The following THSD7B variants were observed in gnomAD, a reference collection of about 807,000 sequenced individuals.
THSD7B encodes the protein thrombospondin type 1 domain containing 7B.
THSD7B carries 138 observed loss-of-function variants against 213.6 expected under a neutral mutation model. That is an observed-to-expected ratio of 0.65 (90% CI 0.56 to 0.74). The LOEUF (loss-of-function observed/expected upper bound fraction) is 0.74. THSD7B is among the 30% of genes least tolerant of loss of function. The probability of loss-of-function intolerance (pLI) is 0.00; values close to 1 mark genes in which losing one functional copy is unlikely to be tolerated. For missense variants in THSD7B, 1,931 were observed against 1,991.5 expected (o/e 0.97, Z 0.58); for synonymous variants, 742 against 687.0 (o/e 1.08, Z -1.25).
chr2:136,946,758 G>A (rs1558863029), intron 2 of THSD7B, among the ~76,000 whole-genome samples: 1 of 152,200 alleles, frequency 6.6e-6, no homozygotes, highest in Non-Finnish European at 1.5e-5. Flanking sequence ...CTAGCAGTGA[G>A]CAAGGCTCCA....
At chr2:137,049,174 C>T (rs971367073) in intron 2 of THSD7B, among the ~76,000 whole-genome samples, 6 of 152,190 alleles carry the variant, frequency 3.9e-5, no homozygotes, top group Non-Finnish European at 2.9e-5. Flanking sequence ...GGCCATCGCT[C>T]GAACCAGGGC....
At chr2:137,260,467 A>G (rs1209189945) in intron 10 of THSD7B, among the ~76,000 whole-genome samples, 2 of 152,142 alleles carry the variant, frequency 1.3e-5, no homozygotes, top group Non-Finnish European at 2.9e-5. Flanking sequence ...AAATTTCTTA[A>G]AAAGGTAAAA....
chr2:137,321,422 G>A (rs1396744707), intron 12 of THSD7B, among the ~76,000 whole-genome samples: 2 of 152,156 alleles, frequency 1.3e-5, no homozygotes, highest in Non-Finnish European at 2.9e-5. Context: ...ATTCTTAGCT[G>A]TTATAATAGG....
At chr2:137,172,885 T>C (rs1345880894) in intron 7 of THSD7B, among the ~76,000 whole-genome samples, 1 of 152,118 alleles carries the variant, frequency 6.6e-6, no homozygotes, top group Non-Finnish European at 1.5e-5. Flanking sequence ...GAGAATTGTG[T>C]GGTTACAGAA....
intron 10 of THSD7B, among the ~76,000 whole-genome samples, chr2:137,247,767 CAAA>C (rs1421113942): frequency 6.6e-6 from 1 of 152,028 alleles, no homozygotes; most frequent in East Asian, 1.9e-4. Flanking sequence ...TTTTCAGTAT[CAAA>C]AACAGACAGT....
intron 12 of THSD7B, among the ~76,000 whole-genome samples, chr2:137,344,815 A>T (rs13427747): frequency 0.23 from 35,282 of 151,474 alleles, 4,685 homozygotes; most frequent in South Asian, 0.3. Flanking sequence ...AACAGAAACA[A>T]ATAGGCTGGC....
intron 13 of THSD7B, among the ~76,000 whole-genome samples, chr2:137,408,450 AC>A (rs1211599173): frequency 6.6e-6 from 1 of 152,162 alleles, no homozygotes; most frequent in African/African-American, 2.4e-5. Flanking sequence ...ATCAGTAGAC[AC>A]GATCCTAACT....
chr2:137,095,848 A>G (rs1337321934), intron 4 of THSD7B, among the ~76,000 whole-genome samples: 1 of 152,048 alleles, frequency 6.6e-6, no homozygotes, highest in Non-Finnish European at 1.5e-5. Context: ...GGCATGTGCT[A>G]CAGTGTGTGC....
chr2:137,642,742 C>T lies in THSD7B; in HGVS notation c.3945+109C>T. 6.1e-6 allele frequency: 8 copies of T among 1,305,988 alleles called. 1 individual carries two copies. The South Asian group carries it at 1.2e-4, about 19-fold the overall frequency. 80.9% of individuals were successfully genotyped at this position (1,305,988 alleles called of 1,614,324 possible). ...AAATTTCACAGCACCAGGGGTCTGG[C>T]ACAATGTATTTTTAATGCAATGCAG... On this transcript the variant is annotated intron_variant, in intron 21 of 27. Coordinates refer to ENST00000409968, the MANE Select transcript of THSD7B (RefSeq NM_001316349.2).
At chr2:136,959,450 C>T (rs1685182209) in intron 2 of THSD7B, among the ~76,000 whole-genome samples, 1 of 152,206 alleles carries the variant, frequency 6.6e-6, no homozygotes, top group Admixed American at 6.5e-5. Flanking sequence ...TCTGAATTTA[C>T]TATTTCACTT....
intron 5 of THSD7B, among the ~76,000 whole-genome samples, chr2:137,151,376 A>G (rs1260423971): frequency 1.3e-5 from 2 of 151,952 alleles, no homozygotes; most frequent in East Asian, 1.9e-4. Flanking sequence ...CACACACATT[A>G]CCCTAGGCCT....
intron 12 of THSD7B, among the ~76,000 whole-genome samples, chr2:137,281,992 AT>A (rs1267130329): frequency 2.0e-5 from 3 of 152,158 alleles, no homozygotes; most frequent in African/African-American, 7.2e-5. Flanking sequence ...GACTTCCACA[AT>A]GGTTGAACTA....
chr2:136,971,848 A>G (rs1309392041), intron 2 of THSD7B, among the ~76,000 whole-genome samples: 1 of 152,136 alleles, frequency 6.6e-6, no homozygotes, highest in Non-Finnish European at 1.5e-5. Context: ...TAGGGAAGCT[A>G]CAGCCATGGT....
chr2:137,491,243 G>A (rs959137207), intron 15 of THSD7B, among the ~76,000 whole-genome samples: 3 of 152,102 alleles, frequency 2.0e-5, no homozygotes, highest in East Asian at 1.9e-4. Context: ...AAAAGAAATC[G>A]TTCCTTTTTT....
chr2:136,995,528 C>G (rs758418448), intron 2 of THSD7B, among the ~76,000 whole-genome samples: 1 of 152,022 alleles, frequency 6.6e-6, no homozygotes, highest in Non-Finnish European at 1.5e-5. Flanking sequence ...TTGAACTAGT[C>G]TGAGTAGTAA....
rs1251520892 is a variant in THSD7B at position 136,855,591 on chromosome 2, ATTATTTATTTATTATTTAT to A, written c.-35-26539_-35-26521del. Among the ~76,000 whole-genome samples, 590 of 130,822 alleles carry A rather than the reference ATTATTTATTTATTATTTAT, an allele frequency of 4.5e-3. 4 individuals carry two copies. Among genetic ancestry groups the A allele is most frequent in the African/African-American group, 0.013 (475 of 36,014 alleles). 85.8% of individuals were successfully genotyped at this position (130,822 alleles called of 152,430 possible). ...CAGGTGCGTGCCACCGCATCCGGCTATTATTTATTTATTATTTATTTATTTATTTATTTATTTATTTATT... is the reference window on the plus strand; with the variant it reads ...CAGGTGCGTGCCACCGCATCCGGCTATTATTTATTTATTTATTTATTTATT... On this transcript the variant is annotated intron_variant, in intron 1 of 27. Coordinates refer to ENST00000409968, the MANE Select transcript of THSD7B (RefSeq NM_001316349.2).
At chr2:136,997,490 G>T (rs1335422549) in intron 2 of THSD7B, among the ~76,000 whole-genome samples, 2 of 152,198 alleles carry the variant, frequency 1.3e-5, no homozygotes, top group African/African-American at 2.4e-5. Context: ...CACCAAATGG[G>T]TGTGTTTCTT....
chr2:137,628,816 C>G (rs1226158572), intron 20 of THSD7B, among the ~76,000 whole-genome samples: 3 of 151,984 alleles, frequency 2.0e-5, no homozygotes, highest in Non-Finnish European at 4.4e-5. Context: ...TGTACTGCCC[C>G]ACTGTCTCCA....
chr2:137,318,963 A>G (rs1208766619), intron 12 of THSD7B, among the ~76,000 whole-genome samples: 5 of 151,620 alleles, frequency 3.3e-5, no homozygotes, highest in Non-Finnish European at 5.9e-5. Flanking sequence ...AGTTCTGAAG[A>G]TTGAATTGTC....
Sources: gnomAD v4.1 joint callset for allele counts (sites outside exome capture counted in the v4.1 genomes callset) on GRCh38, gnomAD v4.1.1 for gene constraint, MANE v1.5 for transcripts, NCBI Gene and HGNC (gene_info 2026-07-23, HGNC 2026-07-21) for gene names.